ANK3: variants seen among roughly 807,000 people sequenced by gnomAD.
The protein encoded by ANK3 is ankyrin-3.
A neutral mutation model predicts 370.9 loss-of-function variants in ANK3; 57 were observed. The observed-to-expected ratio is 0.15, with a 90% CI of 0.12 to 0.19. The LOEUF is 0.19. Ranked by LOEUF, ANK3 falls within the 10% of genes least tolerant of loss-of-function variation. The pLI is 1.00. For missense variants in ANK3, 4,439 were observed against 5,302.1 expected (o/e 0.84, Z 5.06); for synonymous variants, 1,929 against 1,946.3 (o/e 0.99, Z 0.23).
At chr10:60,147,561 T>A (rs2094891978) in intron 23 of ANK3, among the ~76,000 whole-genome samples, 1 of 152,196 alleles carries the variant, frequency 6.6e-6, no homozygotes. Flanking sequence ...GTGTTGGAGA[T>A]GGGGCCTGGT....
intron 23 of ANK3, among the ~76,000 whole-genome samples, chr10:60,143,636 T>A (rs1192978593): frequency 6.6e-6 from 1 of 152,176 alleles, no homozygotes; most frequent in Non-Finnish European, 1.5e-5. Flanking sequence ...AAAGAGGATT[T>A]TGGTAGCTCA....
At chr10:60,037,634 T>TA (rs1477333474) in intron 43 of ANK3, among the ~76,000 whole-genome samples, 1 of 151,302 alleles carries the variant, frequency 6.6e-6, no homozygotes, top group Non-Finnish European at 1.5e-5. Context: ...CTCTTTTTTT[T>TA]ATACCTGCAT....
At position 60,608,311 on chromosome 10, in the gene ANK3, A is replaced by G. The variant is rs572587449; in HGVS notation, c.96+6875T>C. 3.0e-4 allele frequency among the ~76,000 whole-genome samples: 46 copies of G among 152,260 alleles called. No homozygotes were observed. In the South Asian group the frequency reaches 9.1e-3, roughly 30 times the overall value. ...TGGCCATAAGCTCAAAATACAAACC[A>G]CAATCAGCTACATCAGGAAGTCTTT... On this transcript the variant is annotated intron_variant, in intron 2 of 43. Coordinates refer to the ANK3 transcript ENST00000373827.
At chr10:60,144,170 A>G (rs1401794232) in intron 23 of ANK3, 1 of 437,370 alleles carries the variant, frequency 2.3e-6, no homozygotes. Flanking sequence ...AAGGTAGATA[A>G]TAAGACCTTA....
Position 60,640,743 on chromosome 10 carries a change from C to T in ANK3, c.58-25519G>A, listed in dbSNP as rs1359951002. Among the ~76,000 whole-genome samples the T allele has an allele frequency of 1.4e-4, 13 of 89,994 alleles. 3 individuals are homozygous for T. Among genetic ancestry groups the T allele is most frequent in the Non-Finnish European group, 3.0e-4 (12 of 40,142 alleles). 59.0% of individuals were successfully genotyped at this position (89,994 alleles called of 152,430 possible). On this transcript the variant is annotated intron_variant, in intron 1 of 43. Coordinates refer to the ANK3 transcript ENST00000373827. ...AAAACTGGCACAAGACAGCGATGCC[C>T]TCTCTCACCACTCCTATTCAACATA...
At chr10:60,256,145 C>T (rs1324652897) in intron 7 of ANK3, among the ~76,000 whole-genome samples, 2 of 152,194 alleles carry the variant, frequency 1.3e-5, no homozygotes, top group Non-Finnish European at 2.9e-5. Context: ...TTAGAAAAGT[C>T]CTATTCAGCA....
At chr10:60,141,429 G>GTTTC in intron 23 of ANK3, among the ~76,000 whole-genome samples, 1 of 151,898 alleles carries the variant, frequency 6.6e-6, no homozygotes, top group East Asian at 1.9e-4. Context: ...CTGTTACATT[G>GTTTC]TTTCTTTCTC....
At chr10:60,695,343 G>A (rs1392020564) in intron 1 of ANK3, among the ~76,000 whole-genome samples, 13 of 152,122 alleles carry the variant, frequency 8.5e-5, no homozygotes, top group South Asian at 6.3e-4. Flanking sequence ...ACAGATCAAC[G>A]AGACAGAAAG....
At chr10:60,378,491 A>G (rs927257064) in intron 1 of ANK3, among the ~76,000 whole-genome samples, 1 of 152,238 alleles carries the variant, frequency 6.6e-6, no homozygotes, top group African/African-American at 2.4e-5. Context: ...CTGGCATAAA[A>G]ACAGACACAT....
At chr10:60,662,057 C>G (rs1032702996) in intron 1 of ANK3, among the ~76,000 whole-genome samples, 4 of 151,868 alleles carry the variant, frequency 2.6e-5, no homozygotes, top group African/African-American at 9.7e-5. Context: ...TAAATTAGAT[C>G]AGTTAGAATA....
intron 28 of ANK3, among the ~76,000 whole-genome samples, chr10:60,102,357 A>T (rs574268045): frequency 6.6e-6 from 1 of 152,246 alleles, no homozygotes; most frequent in African/African-American, 2.4e-5. Context: ...TATATCAGGC[A>T]TCAAGCTAGG....
intron 2 of ANK3, among the ~76,000 whole-genome samples, chr10:60,576,386 G>A (rs2077683287): frequency 6.6e-6 from 1 of 152,194 alleles, no homozygotes; most frequent in African/African-American, 2.4e-5. Flanking sequence ...AAAACAGAAA[G>A]TAGCTTGCCA....
chr10:60,221,419 AT>A (rs1199555981), intron 8 of ANK3, among the ~76,000 whole-genome samples: 1 of 152,150 alleles, frequency 6.6e-6, no homozygotes, highest in Non-Finnish European at 1.5e-5. Context: ...ATTATAAAAA[AT>A]GTCAGACATA....
chr10:60,263,890 G>A lies in ANK3; in HGVS notation c.644C>T (p.Thr215Met), dbSNP rs749828718. ...ALHIAARKDDTKAAALLLQND... is the reference protein window; with the variant it reads ...ALHIAARKDDMKAAALLLQND... ...CTGCAGCAGCAGGGCGGCGGCTTTC[G>A]TGTCGTCTTTTCGGGCCGCGATATG... Residue 215 changes from threonine to methionine, a missense_variant, in exon 6 of 44, where the codon ACG (threonine) becomes ATG (methionine). This residue lies in a region of ANK3 where 136 missense variants were observed against 230.5 expected (regional missense o/e 0.59). Coordinates refer to ENST00000280772, the MANE Select transcript of ANK3 (RefSeq NM_020987.5). 38 of 1,613,936 alleles carry A rather than the reference G, an allele frequency of 2.4e-5. No individual in the cohort carries two copies. Among genetic ancestry groups the A allele is most frequent in the Non-Finnish European group, 3.1e-5 (36 of 1,180,018 alleles).
At chr10:60,406,385 C>T (rs907067697) in intron 2 of ANK3, among the ~76,000 whole-genome samples, 3 of 152,186 alleles carry the variant, frequency 2.0e-5, no homozygotes, top group Non-Finnish European at 2.9e-5. Context: ...AATTTTCCCA[C>T]GGATGGGGAA....
chr10:60,043,541 T>G, intron 42 of ANK3: 8 of 985,468 alleles, frequency 8.1e-6, no homozygotes, highest in Non-Finnish European at 9.6e-6. Context: ...GGAAATGGGC[T>G]GTTATAAACC....
intron 28 of ANK3, among the ~76,000 whole-genome samples, chr10:60,101,516 T>C (rs1300731042): frequency 2.6e-5 from 4 of 152,196 alleles, no homozygotes; most frequent in Non-Finnish European, 5.9e-5. Flanking sequence ...TTGTTTTCTG[T>C]TTGCAGCATC....
At chr10:60,258,445 G>T (rs60244787) in intron 7 of ANK3, among the ~76,000 whole-genome samples, 2 of 152,338 alleles carry the variant, frequency 1.3e-5, no homozygotes, top group African/African-American at 4.8e-5. Flanking sequence ...TATTGAAACA[G>T]TTAAGTATGC....
chr10:60,372,771 G>A (rs1217308258), intron 1 of ANK3, among the ~76,000 whole-genome samples: 3 of 152,066 alleles, frequency 2.0e-5, no homozygotes, highest in South Asian at 4.1e-4. Context: ...ATACAACTCT[G>A]CCCTTCGAAA....
Sources: gnomAD v4.1 joint callset for allele counts (sites outside exome capture counted in the v4.1 genomes callset) on GRCh38, gnomAD v4.1.1 for gene constraint, gnomAD v4.1.1 regional missense constraint, MANE v1.5 for transcripts, NCBI Gene and HGNC (gene_info 2026-07-23, HGNC 2026-07-21) for gene names.